The following LSP1 variants were observed in gnomAD, a reference collection of about 807,000 sequenced individuals.
LSP1 encodes the protein lymphocyte-specific protein 1.
A neutral mutation model predicts 49.3 loss-of-function variants in LSP1; 32 were observed. The observed-to-expected ratio is 0.65, with a 90% CI of 0.49 to 0.87. The LOEUF (loss-of-function observed/expected upper bound fraction) is 0.87, where lower values mean the gene tolerates loss of function less well. LSP1 is among the 40% of genes least tolerant of loss of function. LSP1 has a pLI of 0.00. For missense variants in LSP1, 428 were observed against 442.6 expected (o/e 0.97, Z 0.30); for synonymous variants, 179 against 178.8 (o/e 1.00, Z -0.01).
intron 1 of LSP1, among the ~76,000 whole-genome samples, chr11:1,876,003 A>T: frequency 6.6e-6 from 1 of 152,182 alleles, no homozygotes. Context: ...GGGCCTGCTG[A>T]TGGGGGCTCA....
rs11041692 is a variant in LSP1 at position 1,889,885 on chromosome 11, T to A, written c.*14-1888T>A. ...GGCAAGGGACTGGCAGCCTGGACTGTGGTGGGCAGTGGGCGGATGTGAGCC... is the reference window on the plus strand; with the variant it reads ...GGCAAGGGACTGGCAGCCTGGACTGAGGTGGGCAGTGGGCGGATGTGAGCC... On this transcript the variant is annotated intron_variant, in intron 10 of 10. Coordinates refer to ENST00000311604, the MANE Select transcript of LSP1 (RefSeq NM_002339.3). 4.8e-6 allele frequency: 3 copies of A among 627,376 alleles called. No homozygotes were observed. In the African/African-American group the frequency reaches 5.5e-5, roughly 12 times the overall value. The allele number at this position is 627,376 out of a possible 1,614,324, so 38.9% of individuals were successfully genotyped here. A position where few individuals can be genotyped will look rare whatever the true frequency, so the allele number is the denominator to read the frequency against.
At chr11:1,864,243 G>C in intron 1 of LSP1, 2 of 987,802 alleles carry the variant, frequency 2.0e-6, no homozygotes, top group Non-Finnish European at 2.4e-6. Flanking sequence ...TGGTGAGGGA[G>C]GTGGCAGGTT....
chr11:1,889,517 C>T lies in LSP1; in HGVS notation c.*13+1941C>T, dbSNP rs191489982. 6.2e-4 allele frequency: 385 copies of T among 618,552 alleles called. 2 individuals are homozygous for T. The East Asian group carries it at 8.3e-3, about 13-fold the overall frequency. 38.3% of individuals were successfully genotyped at this position (618,552 alleles called of 1,614,324 possible). On this transcript the variant is annotated intron_variant, in intron 10 of 10. Transcript: ENST00000311604. ...CCAGGCTCTGCCGCGGCTCTGGGCA[C>T]GGAGGCTCTGGGGCCTCCTCCAGCA...
At chr11:1,857,205 C>T (rs548952441) in intron 1 of LSP1, among the ~76,000 whole-genome samples, 1 of 152,288 alleles carries the variant, frequency 6.6e-6, no homozygotes, top group African/African-American at 2.4e-5. Context: ...GGCCCCACCC[C>T]CGCTGATTCT....
intron 1 of LSP1, among the ~76,000 whole-genome samples, chr11:1,868,460 C>T (rs1847868829): frequency 6.6e-6 from 1 of 152,236 alleles, no homozygotes; most frequent in African/African-American, 2.4e-5. Context: ...TCTAAGGCCC[C>T]TCAGGCAGGG....
intron 1 of LSP1, chr11:1,876,520 C>T (rs1435015118): frequency 1.0e-6 from 1 of 985,424 alleles, no homozygotes; most frequent in African/African-American, 1.7e-5. Flanking sequence ...CGGACCCTCT[C>T]CAGCCGCCCT....
chr11:1,885,905 C>T (rs1025881799), intron 7 of LSP1, among the ~76,000 whole-genome samples: 6 of 151,990 alleles, frequency 3.9e-5, no homozygotes, highest in Admixed American at 1.3e-4. Context: ...CCAACCAATA[C>T]TCCTCCATCC....
chr11:1,886,849 A>G lies in LSP1; in HGVS notation c.835A>G (p.Lys279Glu). The G allele has an allele frequency of 6.2e-7, 1 of 1,611,580 alleles. No individual in the cohort carries two copies. Among genetic ancestry groups the G allele is most frequent in the Non-Finnish European group, 8.5e-7 (1 of 1,179,706 alleles). ...TGEVQAQSAA[K>E]TPSCKDIVAG... ...TGAGGTACAGGCTCAGTCTGCGGCC[A>G]AGACTCCGTCCTGCAAGGTAAGGTC... The change falls in exon 8 of 11, where the codon AAG becomes GAG. Residue 279 changes from lysine (K) to glutamate (E), a missense_variant. By Grantham distance (56) the Lys-to-Glu change is moderately conservative (BLOSUM62 1). Transcript: ENST00000311604.
rs755325807 is a variant in LSP1, at chr11:1,882,906, C to G, written c.357-513C>G. ...GCCAGCTGGCTGGCCTCCCCTCCCCCGCAGCCGGCAGCCCCTTGGCCCTGC... is the reference window on the plus strand; with the variant it reads ...GCCAGCTGGCTGGCCTCCCCTCCCCGGCAGCCGGCAGCCCCTTGGCCCTGC... On this transcript the variant is annotated intron_variant, in intron 3 of 10. Transcript: ENST00000311604. Among the ~76,000 whole-genome samples, 3 of 152,246 alleles carry G rather than the reference C, an allele frequency of 2.0e-5. No homozygotes were observed. In the South Asian group the frequency reaches 6.2e-4, roughly 31 times the overall value.
intron 1 of LSP1, among the ~76,000 whole-genome samples, chr11:1,861,403 A>AT (rs758777268): frequency 1.6e-4 from 25 of 152,236 alleles, no homozygotes; most frequent in Non-Finnish European, 3.2e-4. Flanking sequence ...GCACCTTCAA[A>AT]GTGTCTGAAT....
intron 1 of LSP1, among the ~76,000 whole-genome samples, chr11:1,867,138 G>A (rs750516471): frequency 6.6e-6 from 1 of 152,238 alleles, no homozygotes; most frequent in Non-Finnish European, 1.5e-5. Flanking sequence ...GCGGTGGTCA[G>A]CCAGTGGGTT....
At chr11:1,858,747 G>A (rs990828695) in intron 1 of LSP1, among the ~76,000 whole-genome samples, 17 of 152,204 alleles carry the variant, frequency 1.1e-4, no homozygotes, top group African/African-American at 4.1e-4. Flanking sequence ...CAACATCTAG[G>A]GACCTGAAAA....
At chr11:1,860,896 G>T (rs1383499820) in intron 1 of LSP1, among the ~76,000 whole-genome samples, 1 of 152,132 alleles carries the variant, frequency 6.6e-6, no homozygotes, top group African/African-American at 2.4e-5. Context: ...TAAATGATTG[G>T]AAAGATTAAT....
chr11:1,870,643 G>A (rs796147323), intron 1 of LSP1: 15 of 1,088,000 alleles, frequency 1.4e-5, no homozygotes, highest in East Asian at 7.3e-5. Flanking sequence ...TCTGGGTGCC[G>A]GCTGTGGCTC....
rs535919851 is a variant in LSP1 at position 1,880,133 on chromosome 11, G to A, written c.100G>A (p.Glu34Lys). Residue 34 changes from glutamate to lysine, a missense_variant, in exon 2 of 11, where the codon GAG becomes AAG. Physicochemically the swap from Glu to Lys is moderately conservative, Grantham distance 56. Transcript: ENST00000311604. ...SVEDEEEAVHEQCQHERDRQL... is the reference protein window; with the variant it reads ...SVEDEEEAVHKQCQHERDRQL... ...GGAGGACGAGGAGGAGGCCGTCCAC[G>A]AGCAATGCCAGCATGAGAGAGACAG... 43 of 1,608,900 alleles carry A rather than the reference G, an allele frequency of 2.7e-5. No individual in the cohort carries two copies. The highest frequency in any genetic ancestry group is 6.7e-5 in the Admixed American group (4 of 59,490).
chr11:1,868,787 A>G, intron 1 of LSP1: 1 of 985,780 alleles, frequency 1.0e-6, no homozygotes. Flanking sequence ...TCAGGGCCAG[A>G]GCCCAGAGGA....
intron 1 of LSP1, chr11:1,866,774 T>C: frequency 1.9e-6 from 3 of 1,550,408 alleles, no homozygotes; most frequent in Non-Finnish European, 1.7e-6. Flanking sequence ...ACTTAACAAA[T>C]GGGCCCAAGA....
intron 1 of LSP1, among the ~76,000 whole-genome samples, chr11:1,872,545 T>C (rs1589816879): frequency 8.7e-6 from 1 of 114,504 alleles, no homozygotes; most frequent in Admixed American, 8.9e-5. Flanking sequence ...GCTGGTAGAG[T>C]TGGGGTCTGT....
Position 1,883,487 on chromosome 11 carries a change from A to C in LSP1, c.425A>C (p.Lys142Thr). ...CACCTGGAGGAGTTGAGTCTGAGCA[A>C]GGAGGGGCCAGGCCCAGAGGACACT... is the stretch of plus-strand genomic sequence containing the variant. Reference protein sequence around the residue: ...EVHLEELSLSKEGPGPEDTVQ... With the variant: ...EVHLEELSLSTEGPGPEDTVQ... Residue 142 changes from lysine to threonine, a missense_variant, in exon 4 of 11, where the codon AAG becomes ACG. Coordinates refer to ENST00000311604, the MANE Select transcript of LSP1 (RefSeq NM_002339.3). 6.2e-7 allele frequency: 1 copy of C among 1,614,058 alleles called. No individual in the cohort carries two copies. The highest frequency in any genetic ancestry group is 8.5e-7 in the Non-Finnish European group (1 of 1,180,012).
Sources: gnomAD v4.1 joint callset for allele counts (sites outside exome capture counted in the v4.1 genomes callset) on GRCh38, gnomAD v4.1.1 for gene constraint, MANE v1.5 for transcripts, NCBI Gene and HGNC (gene_info 2026-07-23, HGNC 2026-07-21) for gene names.